The following NKAIN3 variants were observed in gnomAD, a reference collection of about 807,000 sequenced individuals.
NKAIN3 encodes the protein sodium/potassium-transporting ATPase subunit beta-1-interacting protein 3.
NKAIN3 carries 25 observed loss-of-function variants against 30.2 expected under a neutral mutation model. That is an observed-to-expected ratio of 0.83 (90% CI 0.60 to 1.16). The LOEUF (loss-of-function observed/expected upper bound fraction) is 1.16, where lower values mean the gene tolerates loss of function less well. Among genes scored for constraint, NKAIN3 ranks in the 50% most tolerant of loss-of-function variants. The pLI, the probability that NKAIN3 is intolerant of heterozygous loss-of-function variation, is 0.00. For synonymous variants in NKAIN3, 91 were observed against 89.6 expected (o/e 1.02, Z -0.09); for missense variants, 225 against 254.1 (o/e 0.89, Z 0.78).
chr8:62,980,529 A>G lies in NKAIN3; in HGVS notation c.*15122A>G, dbSNP rs1245229280. 1 of 152,154 alleles carries G rather than the reference A, an allele frequency of 6.6e-6. No individual in the cohort carries two copies. Among genetic ancestry groups the G allele is most frequent in the Non-Finnish European group, 1.5e-5 (1 of 68,018 alleles). The allele number at this position is 152,154 out of a possible 1,614,324, so 9.4% of individuals were successfully genotyped here. A position where few individuals can be genotyped will look rare whatever the true frequency, so the allele number is the denominator to read the frequency against. On this transcript the variant is annotated 3_prime_UTR_variant, in exon 7 of 7. Transcript: ENST00000623646. ...TTAGCTTTCTGGTTCCTTCATCAAA[A>G]CTTGCGTTGTGTTGTGCAGCCTTTT... is the stretch of plus-strand genomic sequence containing the variant.
rs146581671 is a variant in NKAIN3, at chr8:62,495,050, C to T, written c.55-84489C>T. Among the ~76,000 whole-genome samples the T allele has an allele frequency of 3.9e-3, 598 of 152,160 alleles. 5 individuals are homozygous for T. The highest frequency in any genetic ancestry group is 0.014 in the African/African-American group (578 of 41,532). Reference sequence around the variant, plus strand: ...TGTTTTAAAGGTTACTTGGAAATCACTCCCTCCATTATCAGAGGCCCTTTA... The same window carrying T: ...TGTTTTAAAGGTTACTTGGAAATCATTCCCTCCATTATCAGAGGCCCTTTA... On this transcript the variant is annotated intron_variant, in intron 1 of 6. Coordinates refer to ENST00000623646, the MANE Select transcript of NKAIN3 (RefSeq NM_001304533.3).
At chr8:62,595,960 G>A (rs1421628536) in intron 3 of NKAIN3, among the ~76,000 whole-genome samples, 1 of 152,134 alleles carries the variant, frequency 6.6e-6, no homozygotes, top group East Asian at 1.9e-4. Context: ...GGAGGTTAAA[G>A]ATACAAGGAT....
intron 1 of NKAIN3, among the ~76,000 whole-genome samples, chr8:62,349,943 G>A (rs1347657825): frequency 6.6e-6 from 1 of 152,142 alleles, no homozygotes; most frequent in Admixed American, 6.5e-5. Flanking sequence ...GGGTCCACTT[G>A]TCTTGACAAA....
chr8:62,268,121 C>T (rs1349480341), intron 1 of NKAIN3, among the ~76,000 whole-genome samples: 1 of 152,156 alleles, frequency 6.6e-6, no homozygotes. Context: ...TAATGTTCAA[C>T]AGTGGTAGGG....
At chr8:62,690,661 G>A (rs1448378533) in intron 3 of NKAIN3, among the ~76,000 whole-genome samples, 1 of 152,130 alleles carries the variant, frequency 6.6e-6, no homozygotes, top group Non-Finnish European at 1.5e-5. Context: ...TGTGACAGAG[G>A]CACTCCCAGC....
intron 1 of NKAIN3, among the ~76,000 whole-genome samples, chr8:62,562,303 T>G (rs827699): frequency 1.3e-5 from 2 of 151,934 alleles, no homozygotes; most frequent in Admixed American, 6.6e-5. Context: ...TGTTTAAAAG[T>G]GTTTGTCCCT....
chr8:62,331,176 G>A (rs1815344948), intron 1 of NKAIN3, among the ~76,000 whole-genome samples: 1 of 132,696 alleles, frequency 7.5e-6, no homozygotes, highest in Non-Finnish European at 1.6e-5. Flanking sequence ...AAGCCCTATT[G>A]TATAGCCATA....
At chr8:62,891,132 A>G (rs1209327363) in intron 4 of NKAIN3, among the ~76,000 whole-genome samples, 1 of 152,190 alleles carries the variant, frequency 6.6e-6, no homozygotes, top group East Asian at 1.9e-4. Flanking sequence ...AAGGGACATT[A>G]ACATTTGAGT....
chr8:62,498,719 T>C (rs1051154445), intron 1 of NKAIN3, among the ~76,000 whole-genome samples: 2 of 151,646 alleles, frequency 1.3e-5, no homozygotes, highest in Non-Finnish European at 2.9e-5. Context: ...TATGTCTTTT[T>C]TTTTTTTTCC....
chr8:62,408,820 A>G (rs1212370153), intron 1 of NKAIN3, among the ~76,000 whole-genome samples: 1 of 152,174 alleles, frequency 6.6e-6, no homozygotes, highest in Non-Finnish European at 1.5e-5. Flanking sequence ...AGTTTTCTTT[A>G]TAAAAAAAAT....
intron 5 of NKAIN3, among the ~76,000 whole-genome samples, chr8:62,930,641 G>T (rs2130870907): frequency 6.6e-6 from 1 of 151,802 alleles, no homozygotes; most frequent in East Asian, 1.9e-4. Flanking sequence ...TTTTGTGTAT[G>T]GTTTATTTAA....
At chr8:62,382,694 C>T (rs1197072614) in intron 1 of NKAIN3, among the ~76,000 whole-genome samples, 2 of 152,024 alleles carry the variant, frequency 1.3e-5, no homozygotes, top group Non-Finnish European at 2.9e-5. Context: ...TGTCTTCTTC[C>T]TCATTTTCTG....
intron 3 of NKAIN3, among the ~76,000 whole-genome samples, chr8:62,692,217 A>G (rs922330337): frequency 1.3e-5 from 2 of 152,194 alleles, no homozygotes; most frequent in South Asian, 4.1e-4. Context: ...AGCTGGAGAA[A>G]TGCACTCAGC....
intron 4 of NKAIN3, among the ~76,000 whole-genome samples, chr8:62,750,633 G>C (rs74962168): frequency 2.0e-5 from 3 of 152,160 alleles, no homozygotes; most frequent in African/African-American, 7.2e-5. Flanking sequence ...CTCTCAGGCT[G>C]AGAACGACAG....
intron 1 of NKAIN3, among the ~76,000 whole-genome samples, chr8:62,338,251 G>A (rs191283954): frequency 9.0e-4 from 136 of 151,828 alleles, no homozygotes; most frequent in African/African-American, 3.2e-3. Flanking sequence ...CTATATTCAT[G>A]TTGATGACTT....
intron 1 of NKAIN3, among the ~76,000 whole-genome samples, chr8:62,551,903 A>G (rs1428587785): frequency 6.6e-6 from 1 of 152,220 alleles, no homozygotes; most frequent in Non-Finnish European, 1.5e-5. Flanking sequence ...ACTTTTACTC[A>G]GGTAGAAAAC....
At chr8:62,806,531 A>G (rs1818288537) in intron 4 of NKAIN3, among the ~76,000 whole-genome samples, 1 of 152,186 alleles carries the variant, frequency 6.6e-6, no homozygotes, top group African/African-American at 2.4e-5. Context: ...GGATATCATC[A>G]TTCTCAGTAA....
At chr8:62,457,751 T>A (rs761123442) in intron 1 of NKAIN3, among the ~76,000 whole-genome samples, 5 of 152,230 alleles carry the variant, frequency 3.3e-5, no homozygotes, top group Non-Finnish European at 5.9e-5. Context: ...ATATTTTTAG[T>A]GCATTAAATT....
intron 3 of NKAIN3, among the ~76,000 whole-genome samples, chr8:62,611,220 AT>A (rs1380827493): frequency 6.6e-6 from 1 of 152,146 alleles, no homozygotes; most frequent in East Asian, 1.9e-4. Context: ...TATGGGGCAC[AT>A]TAGATTATTT....
Sources: gnomAD v4.1 joint callset for allele counts (sites outside exome capture counted in the v4.1 genomes callset) on GRCh38, gnomAD v4.1.1 for gene constraint, MANE v1.5 for transcripts, NCBI Gene and HGNC (gene_info 2026-07-23, HGNC 2026-07-21) for gene names.